Variants in NALF1 observed in about 807,000 individuals in gnomAD.
The protein encoded by NALF1 is family with sequence similarity 155 member A.
Under a neutral mutation model 48.4 loss-of-function variants are expected in NALF1, and 3 were observed. The observed-to-expected ratio is 0.06, with a 90% CI of 0.03 to 0.16. The LOEUF (loss-of-function observed/expected upper bound fraction) is 0.16. Ranked by LOEUF, NALF1 falls within the 10% of genes least tolerant of loss-of-function variation. The probability of loss-of-function intolerance (pLI) is 1.00; values close to 1 mark genes in which losing one functional copy is unlikely to be tolerated. For synonymous variants in NALF1, 262 were observed against 245.7 expected (o/e 1.07, Z -0.62); for missense variants, 526 against 571.5 (o/e 0.92, Z 0.81).
chr13:107,824,491 A>G (rs1998479), intron 1 of NALF1, among the ~76,000 whole-genome samples: 10,814 of 152,244 alleles, frequency 0.071, 488 homozygotes, highest in East Asian at 0.2. Flanking sequence ...TTCTTCATCA[A>G]TACAAAGCCT....
At chr13:107,637,997 T>G (rs994363717) in intron 1 of NALF1, among the ~76,000 whole-genome samples, 4 of 151,770 alleles carry the variant, frequency 2.6e-5, no homozygotes, top group Admixed American at 1.3e-4. Flanking sequence ...TCAACAGATT[T>G]GGTTTTAACA....
chr13:107,263,280 AC>A lies in NALF1; in HGVS notation c.916-52526del, dbSNP rs1315016307. 3.2e-3 allele frequency among the ~76,000 whole-genome samples: 491 copies of A among 151,898 alleles called. 1 individual carries two copies. Among genetic ancestry groups the A allele is most frequent in the Non-Finnish European group, 4.7e-3 (318 of 67,910 alleles). On this transcript the variant is annotated intron_variant, in intron 1 of 2. Coordinates refer to ENST00000375915, the MANE Select transcript of NALF1 (RefSeq NM_001080396.3). The stretch of plus-strand genomic sequence containing the variant: ...CACACACACACACACACACACACAC[AC>A]ACACACACACATCTCAGTGGACTCA...
chr13:107,847,095 A>G (rs890152121), intron 1 of NALF1, among the ~76,000 whole-genome samples: 2 of 152,112 alleles, frequency 1.3e-5, no homozygotes, highest in Middle Eastern at 3.4e-3. Flanking sequence ...TGTTTTGGGG[A>G]AAAAAAGAAA....
intron 1 of NALF1, among the ~76,000 whole-genome samples, chr13:107,835,172 T>C (rs1879853043): frequency 6.6e-6 from 1 of 152,208 alleles, no homozygotes; most frequent in South Asian, 2.1e-4. Context: ...ATATAGTGTC[T>C]TCAGGGTTAA....
At chr13:107,647,409 T>C (rs1880341631) in intron 1 of NALF1, among the ~76,000 whole-genome samples, 1 of 151,864 alleles carries the variant, frequency 6.6e-6, no homozygotes, top group Non-Finnish European at 1.5e-5. Flanking sequence ...ATGTTGACAC[T>C]TGCAGCTCCA....
chr13:107,282,640 T>C (rs1881411511), intron 1 of NALF1, among the ~76,000 whole-genome samples: 1 of 152,208 alleles, frequency 6.6e-6, no homozygotes, highest in South Asian at 2.1e-4. Flanking sequence ...ACAGCAAGTA[T>C]GTTGTAAGGA....
chr13:107,518,904 G>T (rs1047959432), intron 1 of NALF1, among the ~76,000 whole-genome samples: 5 of 152,164 alleles, frequency 3.3e-5, no homozygotes, highest in African/African-American at 1.2e-4. Context: ...AAGTGGGATT[G>T]AAATGCCAAG....
intron 1 of NALF1, among the ~76,000 whole-genome samples, chr13:107,395,388 T>C (rs550550340): frequency 6.6e-6 from 1 of 152,232 alleles, no homozygotes; most frequent in Admixed American, 6.5e-5. Flanking sequence ...TTCAAGGCCA[T>C]AGACATGGGA....
rs570033405 is a variant in NALF1, at chr13:107,257,451, A to T, written c.916-46696T>A. ...GAAAATATGAGTGTGTAAAAGAGCT[A>T]TCCTGAGCACTAATGAGGCTTCAAA... On this transcript the variant is annotated intron_variant, in intron 1 of 2. Transcript: ENST00000375915. 5.9e-5 allele frequency among the ~76,000 whole-genome samples: 9 copies of T among 151,778 alleles called. No homozygotes were observed. The South Asian group carries it at 1.7e-3, about 28-fold the overall frequency.
At chr13:107,854,594 CA>C (rs1308935216) in intron 1 of NALF1, among the ~76,000 whole-genome samples, 9 of 152,264 alleles carry the variant, frequency 5.9e-5, no homozygotes, top group South Asian at 4.1e-4. Flanking sequence ...TATTTGGGGT[CA>C]GCGGCGGTGG....
At chr13:107,517,752 C>T (rs1325707042) in intron 1 of NALF1, among the ~76,000 whole-genome samples, 5 of 152,050 alleles carry the variant, frequency 3.3e-5, no homozygotes, top group African/African-American at 9.7e-5. Flanking sequence ...GTCAGGTGTT[C>T]GAGACCAGCC....
At chr13:107,422,295 A>G (rs2139009743) in intron 1 of NALF1, among the ~76,000 whole-genome samples, 1 of 152,138 alleles carries the variant, frequency 6.6e-6, no homozygotes, top group South Asian at 2.1e-4. Context: ...AGCCTTAAAA[A>G]CTCAACTGCT....
intron 1 of NALF1, among the ~76,000 whole-genome samples, chr13:107,620,989 CGT>C (rs139779456): frequency 8.1e-4 from 121 of 149,096 alleles, no homozygotes; most frequent in African/African-American, 1.6e-3. Context: ...TGAGTGTGTG[CGT>C]GTGTGTGTGT....
Position 107,866,336 on chromosome 13 carries a change from C to T in NALF1, c.261G>A (p.Arg87=). ...RQQQQQQQQQ[R]QRQQQQQQRR... is the part of the protein sequence containing the mutation. ...GCTGCTGCTGCTGCTGCTGCCGCTG[C>T]CTCTGCTGCTGCTGCTGCTGCTGCT... The change falls in exon 1 of 3, where the codon AGG becomes AGA. Residue 87 remains arginine (R), a synonymous_variant. Coordinates refer to ENST00000375915, the MANE Select transcript of NALF1 (RefSeq NM_001080396.3). The surrounding 1 kb of genome is among the most constrained non-coding windows in gnomAD (Gnocchi z 4.4). The T allele has an allele frequency of 3.1e-6, 5 of 1,610,284 alleles. No individual in the cohort carries two copies. Among genetic ancestry groups the T allele is most frequent in the East Asian group, 2.2e-5 (1 of 44,772 alleles).
At chr13:107,754,097 T>C (rs1054944249) in intron 1 of NALF1, among the ~76,000 whole-genome samples, 1 of 152,142 alleles carries the variant, frequency 6.6e-6, no homozygotes, top group African/African-American at 2.4e-5. Flanking sequence ...AGGACTATAT[T>C]CTGCTTAGGT....
chr13:107,453,337 C>G (rs976211515), intron 1 of NALF1, among the ~76,000 whole-genome samples: 3 of 152,218 alleles, frequency 2.0e-5, no homozygotes, highest in African/African-American at 7.2e-5. Flanking sequence ...GAAATCTAGG[C>G]AGAGGTTCCC....
chr13:107,479,877 C>CT (rs202011449), intron 1 of NALF1, among the ~76,000 whole-genome samples: 1 of 151,812 alleles, frequency 6.6e-6, no homozygotes, highest in East Asian at 1.9e-4. Context: ...GAAGAAATGG[C>CT]TTTTTTTTGA....
At chr13:107,788,290 T>C (rs1357719561) in intron 1 of NALF1, 1 of 152,228 alleles carries the variant, frequency 6.6e-6, no homozygotes, top group Non-Finnish European at 1.5e-5. Flanking sequence ...TTGTCCATAA[T>C]TGGGCCCAAA....
intron 1 of NALF1, among the ~76,000 whole-genome samples, chr13:107,407,572 C>A (rs1260685693): frequency 6.6e-6 from 1 of 152,038 alleles, no homozygotes. Flanking sequence ...TATCTTACCC[C>A]AGTTAAAATG....
Sources: gnomAD v4.1 joint callset for allele counts (sites outside exome capture counted in the v4.1 genomes callset) on GRCh38, gnomAD v4.1.1 for gene constraint, Gnocchi (gnomAD v3.1) non-coding constraint, MANE v1.5 for transcripts, NCBI Gene and HGNC (gene_info 2026-07-23, HGNC 2026-07-21) for gene names.